NRG1: variants seen among roughly 807,000 people sequenced by gnomAD.
NRG1 encodes the protein neuregulin 1, also known as pro-neuregulin-1, membrane-bound isoform.
NRG1 carries 18 observed loss-of-function variants against 63.8 expected under a neutral mutation model. The observed-to-expected ratio is 0.28, with a 90% CI of 0.19 to 0.42. The LOEUF is 0.42. NRG1 is among the 10% of genes least tolerant of loss of function. The probability of loss-of-function intolerance (pLI) is 1.00; values close to 1 mark genes in which losing one functional copy is unlikely to be tolerated. For missense variants in NRG1, 762 were observed against 814.7 expected (o/e 0.94, Z 0.79); for synonymous variants, 302 against 301.3 (o/e 1.00, Z -0.02).
At chr8:32,494,213 G>A (rs1382534605) in intron 1 of NRG1, among the ~76,000 whole-genome samples, 1 of 152,116 alleles carries the variant, frequency 6.6e-6, no homozygotes, top group East Asian at 1.9e-4. Flanking sequence ...TCTTTCTGAT[G>A]ATAAAAGTAA....
chr8:32,184,502 C>T (rs1841770976), intron 1 of NRG1, among the ~76,000 whole-genome samples: 1 of 151,510 alleles, frequency 6.6e-6, no homozygotes, highest in African/African-American at 2.4e-5. Context: ...TTGTTACAGC[C>T]TATAACATTT....
At chr8:31,964,866 G>A (rs886778700) in intron 1 of NRG1, among the ~76,000 whole-genome samples, 1 of 152,142 alleles carries the variant, frequency 6.6e-6, no homozygotes, top group Non-Finnish European at 1.5e-5. Context: ...TAAGAGAGCA[G>A]ACATTTCTAC....
At chr8:32,342,291 A>C (rs917994876) in intron 1 of NRG1, among the ~76,000 whole-genome samples, 31 of 152,218 alleles carry the variant, frequency 2.0e-4, no homozygotes, top group African/African-American at 7.2e-4. Context: ...AATAGACATG[A>C]TATCTTGTTT....
At chr8:31,646,940 T>C (rs1331171800) in intron 1 of NRG1, among the ~76,000 whole-genome samples, 1 of 152,214 alleles carries the variant, frequency 6.6e-6, no homozygotes, top group Non-Finnish European at 1.5e-5. Flanking sequence ...CCAAAACTTT[T>C]CCCTCACTTA....
At chr8:32,036,363 AT>A (rs1381165572) in intron 1 of NRG1, among the ~76,000 whole-genome samples, 4 of 151,744 alleles carry the variant, frequency 2.6e-5, no homozygotes, top group Admixed American at 6.6e-5. Context: ...CCTTTGACGT[AT>A]TTTTCTTCAT....
chr8:32,330,364 A>G (rs923518683), intron 1 of NRG1, among the ~76,000 whole-genome samples: 12 of 152,216 alleles, frequency 7.9e-5, no homozygotes, highest in Non-Finnish European at 1.5e-4. Context: ...ATAAAATGAC[A>G]GGATAGGTCT....
chr8:32,689,576 T>C (rs1811060035), intron 5 of NRG1, among the ~76,000 whole-genome samples: 1 of 152,148 alleles, frequency 6.6e-6, no homozygotes, highest in Non-Finnish European at 1.5e-5. Flanking sequence ...GTGAGGTCTC[T>C]TTTTTGGCTT....
chr8:32,526,204 G>C (rs1490005802), intron 1 of NRG1, among the ~76,000 whole-genome samples: 4 of 152,156 alleles, frequency 2.6e-5, no homozygotes, highest in African/African-American at 9.7e-5. Flanking sequence ...AGGCTCAAAA[G>C]GAAAAGCATC....
At chr8:32,737,625 G>A (rs1825404323) in intron 6 of NRG1, among the ~76,000 whole-genome samples, 1 of 148,608 alleles carries the variant, frequency 6.7e-6, no homozygotes, top group South Asian at 2.2e-4. Flanking sequence ...ACAGACAGAT[G>A]TTCAAGATTG....
intron 1 of NRG1, among the ~76,000 whole-genome samples, chr8:32,017,414 G>A (rs930106470): frequency 5.3e-5 from 8 of 152,082 alleles, no homozygotes; most frequent in African/African-American, 1.9e-4. Flanking sequence ...CAAGCAATAG[G>A]CAATCAATCA....
intron 1 of NRG1, among the ~76,000 whole-genome samples, chr8:31,921,662 C>A (rs753966097): frequency 1.4e-4 from 21 of 152,156 alleles, no homozygotes; most frequent in Non-Finnish European, 3.1e-4. Context: ...TCTCTGAAAT[C>A]TAAAATGTAG....
intron 11 of NRG1, chr8:32,763,443 A>G (rs533637074): frequency 2.8e-6 from 4 of 1,423,108 alleles, no homozygotes; most frequent in South Asian, 2.7e-5. Context: ...CCAGGACCTA[A>G]TGCCTTCTTG....
intron 1 of NRG1, among the ~76,000 whole-genome samples, chr8:31,757,525 A>T (rs937245016): frequency 2.0e-5 from 3 of 152,148 alleles, no homozygotes; most frequent in African/African-American, 7.2e-5. Context: ...AGTAATATAA[A>T]GTTTTCCTGG....
At chr8:31,781,304 C>T (rs1235908920) in intron 1 of NRG1, among the ~76,000 whole-genome samples, 18 of 152,126 alleles carry the variant, frequency 1.2e-4, no homozygotes, top group Admixed American at 1.2e-3. Context: ...ATTAGATTAG[C>T]TTGTGTACAA....
At chr8:32,174,277 G>A (rs1324462354) in intron 1 of NRG1, among the ~76,000 whole-genome samples, 1 of 152,092 alleles carries the variant, frequency 6.6e-6, no homozygotes, top group Non-Finnish European at 1.5e-5. Context: ...GATGTTCTTT[G>A]AAACCAACGA....
intron 1 of NRG1, among the ~76,000 whole-genome samples, chr8:32,588,813 C>T (rs1038524663): frequency 6.6e-6 from 1 of 152,134 alleles, no homozygotes; most frequent in African/African-American, 2.4e-5. Flanking sequence ...TAACAAAATA[C>T]TGAATTTTAT....
chr8:31,749,523 C>T (rs374853056), intron 1 of NRG1, among the ~76,000 whole-genome samples: 4 of 151,764 alleles, frequency 2.6e-5, no homozygotes, highest in Admixed American at 1.3e-4. Flanking sequence ...ATAGAGCAAC[C>T]GCAATTGAAT....
chr8:32,559,786 C>T (rs374768579), intron 1 of NRG1, among the ~76,000 whole-genome samples: 6 of 148,306 alleles, frequency 4.0e-5, no homozygotes, highest in East Asian at 2.0e-4. Flanking sequence ...CGCTTGAGCT[C>T]GAGTTCAAGA....
chr8:32,390,909 C>T (rs867281109), intron 1 of NRG1, among the ~76,000 whole-genome samples: 51 of 152,130 alleles, frequency 3.4e-4, no homozygotes, highest in African/African-American at 1.2e-3. Context: ...TCAACAGTCT[C>T]TTAATCAATT....
Sources: gnomAD v4.1 joint callset for allele counts (sites outside exome capture counted in the v4.1 genomes callset) on GRCh38, gnomAD v4.1.1 for gene constraint, MANE v1.5 for transcripts, NCBI Gene and HGNC (gene_info 2026-07-23, HGNC 2026-07-21) for gene names.